AGBL1: variants seen among roughly 807,000 people sequenced by gnomAD.
AGBL1 encodes the protein cytosolic carboxypeptidase 4.
A neutral mutation model predicts 118.9 loss-of-function variants in AGBL1; 130 were observed. The ratio of observed to expected loss-of-function variants is 1.09; its 90% CI spans 0.95 to 1.26. AGBL1 has a LOEUF of 1.26. Among genes scored for constraint, AGBL1 ranks in the 50% most tolerant of loss-of-function variants. The probability of loss-of-function intolerance (pLI) is 0.00; values close to 1 mark genes in which losing one functional copy is unlikely to be tolerated. For synonymous variants in AGBL1, 555 were observed against 478.9 expected (o/e 1.16, Z -2.08); for missense variants, 1,584 against 1,298.1 (o/e 1.22, Z -3.38).
intron 17 of AGBL1, among the ~76,000 whole-genome samples, chr15:86,297,630 C>T (rs1391940784): frequency 6.6e-6 from 1 of 152,134 alleles, no homozygotes; most frequent in Non-Finnish European, 1.5e-5. Flanking sequence ...GCATGAAGAG[C>T]TTTAAGGTTT....
Position 86,262,806 on chromosome 15 carries a change from A to G in AGBL1, c.998A>G (p.Lys333Arg). ...EDDDLETDVN[K>R]LSSKPGLDRP... The stretch of plus-strand genomic sequence containing the variant: ...GATGACTTGGAAACAGACGTGAACA[A>G]GCTGAGTTCCAAACCTGGTCTTGAC... Residue 333 changes from lysine (K) to arginine (R), a missense_variant, in exon 10 of 23, where the codon AAG (lysine) becomes AGG (arginine). Lys to Arg is a conservative substitution (Grantham distance 26). Coordinates refer to ENST00000614907, the MANE Select transcript of AGBL1 (RefSeq NM_001386094.1). 6.2e-7 allele frequency: 1 copy of G among 1,609,836 alleles called. No individual in the cohort carries two copies. Among genetic ancestry groups the G allele is most frequent in the Middle Eastern group, 1.7e-4 (1 of 6,054 alleles).
chr15:86,626,836 C>CTTTTTTT (rs11318598), intron 21 of AGBL1, among the ~76,000 whole-genome samples: 1 of 117,822 alleles, frequency 8.5e-6, no homozygotes, highest in Non-Finnish European at 1.7e-5. Flanking sequence ...ATATACTTTT[C>CTTTTTTT]TTTTTTTTTT....
At chr15:86,874,748 T>C (rs1292962623) in intron 22 of AGBL1, among the ~76,000 whole-genome samples, 2 of 152,216 alleles carry the variant, frequency 1.3e-5, no homozygotes, top group African/African-American at 2.4e-5. Context: ...TAACCCCATA[T>C]TATGAGTACT....
At chr15:86,540,837 G>T (rs1258964060) in intron 19 of AGBL1, among the ~76,000 whole-genome samples, 1 of 152,142 alleles carries the variant, frequency 6.6e-6, no homozygotes, top group Non-Finnish European at 1.5e-5. Flanking sequence ...GCAGAACAAT[G>T]TCTCCTTCTC....
At chr15:86,653,878 A>AT (rs912866155) in intron 21 of AGBL1, among the ~76,000 whole-genome samples, 14 of 151,388 alleles carry the variant, frequency 9.2e-5, no homozygotes, top group South Asian at 4.2e-4. Flanking sequence ...CCTAGAGCTC[A>AT]TTTTTTTTTA....
In AGBL1 at chr15:86,724,782, G is replaced by A. The variant is rs150139081; in HGVS notation, c.3158+50346G>A. Reference sequence around the variant, plus strand: ...AGTATAGTAAGTTCTTGTAAGACCCGGTTGTTTAAAAGTGTGTGGCACCTC... The same window carrying A: ...AGTATAGTAAGTTCTTGTAAGACCCAGTTGTTTAAAAGTGTGTGGCACCTC... On this transcript the variant is annotated intron_variant, in intron 22 of 22. Transcript: ENST00000614907. 4.0e-3 allele frequency among the ~76,000 whole-genome samples: 610 copies of A among 152,180 alleles called. 3 individuals are homozygous for A. The highest frequency in any genetic ancestry group is 0.014 in the African/African-American group (570 of 41,512).
intron 21 of AGBL1, among the ~76,000 whole-genome samples, chr15:86,621,578 C>A (rs1209371487): frequency 6.6e-6 from 1 of 152,168 alleles, no homozygotes; most frequent in Non-Finnish European, 1.5e-5. Flanking sequence ...GGATAATAGT[C>A]ATTGGATCTT....
intron 18 of AGBL1, among the ~76,000 whole-genome samples, chr15:86,423,073 C>T (rs1447084043): frequency 1.3e-5 from 2 of 152,160 alleles, no homozygotes; most frequent in African/African-American, 2.4e-5. Context: ...GGGACTCCTC[C>T]CTAACTCATT....
rs759880946 is a variant in AGBL1 at position 86,247,853 on chromosome 15, A to C, written c.709A>C (p.Met237Leu). ...GREAFLAAQG[M>L]EILFSTTQNC... ...GGAGGCCTTCCTGGCAGCACAGGGC[A>C]TGGAGATCCTCTTCAGCACCACACA... Residue 237 changes from methionine (M) to leucine (L), a missense_variant, in exon 7 of 23, where the codon ATG becomes CTG. Met to Leu is a conservative substitution (Grantham distance 15). Transcript: ENST00000614907. 6.2e-7 allele frequency: 1 copy of C among 1,613,804 alleles called. No homozygotes were observed. The highest frequency in any genetic ancestry group is 8.5e-7 in the Non-Finnish European group (1 of 1,179,902).
At chr15:86,768,590 C>G (rs2078129007) in intron 22 of AGBL1, among the ~76,000 whole-genome samples, 1 of 151,928 alleles carries the variant, frequency 6.6e-6, no homozygotes, top group Non-Finnish European at 1.5e-5. Flanking sequence ...TTAGGCACTT[C>G]AAATTTCAGC....
rs567513004 is a variant in AGBL1, at chr15:86,890,221, C to T, written c.3159-16866C>T. ...CTTTTGAGAAGTGTCTGTTCATATC[C>T]TTTGCCCACTTTTTAATGTTTTTTT... On this transcript the variant is annotated intron_variant, in intron 22 of 22. Coordinates refer to ENST00000614907, the MANE Select transcript of AGBL1 (RefSeq NM_001386094.1). Among the ~76,000 whole-genome samples, 96 of 151,966 alleles carry T rather than the reference C, an allele frequency of 6.3e-4. 1 individual carries two copies. The highest frequency in any genetic ancestry group is 2.2e-3 in the African/African-American group (92 of 41,328).
intron 6 of AGBL1, among the ~76,000 whole-genome samples, chr15:86,225,763 G>T (rs2078351781): frequency 6.6e-6 from 1 of 151,972 alleles, no homozygotes; most frequent in Non-Finnish European, 1.5e-5. Flanking sequence ...TTTCTCTATA[G>T]GGAGCCTGAG....
At chr15:87,026,435 C>T (rs1273965419) in intron 24 of AGBL1, among the ~76,000 whole-genome samples, 1 of 151,900 alleles carries the variant, frequency 6.6e-6, no homozygotes, top group African/African-American at 2.4e-5. Flanking sequence ...CAAATCAAAA[C>T]CACAATACAC....
At chr15:86,126,002 CA>C (rs1345163452) in intron 1 of AGBL1, among the ~76,000 whole-genome samples, 6 of 152,018 alleles carry the variant, frequency 3.9e-5, no homozygotes, top group Non-Finnish European at 7.3e-5. Context: ...AATTGTGACT[CA>C]ACTGGCTAAT....
In AGBL1 at chr15:86,091,524, A is replaced by C. The variant is rs78370208; in HGVS notation, c.51+11501A>C. Among the ~76,000 whole-genome samples the C allele has an allele frequency of 3.3e-3, 499 of 152,300 alleles. 16 individuals carry two copies. The South Asian group carries it at 0.066, about 20-fold the overall frequency. On this transcript the variant is annotated intron_variant, in intron 1 of 22. Transcript: ENST00000614907. Reference sequence around the variant, plus strand: ...CTATGCAGTTATGCCTAGGCCTATGAAGTTATCAATTCATACACTGCAAGG... The same window carrying C: ...CTATGCAGTTATGCCTAGGCCTATGCAGTTATCAATTCATACACTGCAAGG...
Position 86,676,072 on chromosome 15 carries a change from T to C in AGBL1, c.3158+1636T>C, listed in dbSNP as rs185401920. ...TTTCACACAATTATTCATTTTTCAA[T>C]TGCATCCTGACCAAGGGGATTGAAG... is the stretch of plus-strand genomic sequence containing the variant. On this transcript the variant is annotated intron_variant, in intron 22 of 22. Transcript: ENST00000614907. Among the ~76,000 whole-genome samples, 10 of 152,304 alleles carry C rather than the reference T, an allele frequency of 6.6e-5. No individual in the cohort carries two copies. In the East Asian group the frequency reaches 1.7e-3, roughly 26 times the overall value.
At chr15:86,235,819 C>T (rs2078531885) in intron 6 of AGBL1, among the ~76,000 whole-genome samples, 1 of 152,230 alleles carries the variant, frequency 6.6e-6, no homozygotes, top group Non-Finnish European at 1.5e-5. Flanking sequence ...GTGGTTGTCA[C>T]ATCTGTGGTG....
At chr15:86,385,664 A>C (rs2081173437) in intron 17 of AGBL1, among the ~76,000 whole-genome samples, 1 of 152,196 alleles carries the variant, frequency 6.6e-6, no homozygotes. Flanking sequence ...TTTGACACAC[A>C]GAAGATGATA....
intron 21 of AGBL1, among the ~76,000 whole-genome samples, chr15:86,671,418 G>C (rs1442884728): frequency 6.6e-6 from 1 of 152,148 alleles, no homozygotes; most frequent in Non-Finnish European, 1.5e-5. Flanking sequence ...ATCAGACTTT[G>C]TGTTACTGTC....
Sources: gnomAD v4.1 joint callset for allele counts (sites outside exome capture counted in the v4.1 genomes callset) on GRCh38, gnomAD v4.1.1 for gene constraint, MANE v1.5 for transcripts, NCBI Gene and HGNC (gene_info 2026-07-23, HGNC 2026-07-21) for gene names.